The following KCNT2 variants were observed in gnomAD, a reference collection of about 807,000 sequenced individuals.
KCNT2 encodes the protein potassium sodium-activated channel subfamily T member 2, also known as potassium channel subfamily T member 2.
A neutral mutation model predicts 153.8 loss-of-function variants in KCNT2; 67 were observed. The ratio of observed to expected loss-of-function variants is 0.44; its 90% CI spans 0.36 to 0.53. The LOEUF (loss-of-function observed/expected upper bound fraction) is 0.53. KCNT2 is among the 20% of genes least tolerant of loss of function. The pLI is 0.00. For synonymous variants in KCNT2, 500 were observed against 458.8 expected (o/e 1.09, Z -1.15); for missense variants, 975 against 1,354.8 (o/e 0.72, Z 4.40).
chr1:196,385,766 TA>T (rs11455621), intron 13 of KCNT2, among the ~76,000 whole-genome samples: 1 of 144,988 alleles, frequency 6.9e-6, no homozygotes. Context: ...ATTTCTGCAT[TA>T]AAAAAATATA....
intron 13 of KCNT2, among the ~76,000 whole-genome samples, chr1:196,391,295 C>T (rs1371891069): frequency 6.6e-6 from 1 of 151,264 alleles, no homozygotes; most frequent in Non-Finnish European, 1.5e-5. Flanking sequence ...GCGCATAGAA[C>T]AAGAAATTGA....
At chr1:196,453,537 T>C (rs1413109549) in intron 8 of KCNT2, among the ~76,000 whole-genome samples, 1 of 151,990 alleles carries the variant, frequency 6.6e-6, no homozygotes, top group Non-Finnish European at 1.5e-5. Flanking sequence ...TAATTTTTGT[T>C]TTCTTGACTG....
chr1:196,293,041 A>G (rs532538259), intron 22 of KCNT2, among the ~76,000 whole-genome samples: 54 of 152,140 alleles, frequency 3.5e-4, no homozygotes, highest in African/African-American at 9.4e-4. Flanking sequence ...TAAAAAAAAA[A>G]TACTTAAGAA....
intron 16 of KCNT2, 105 bp from the exon 17 acceptor site, chr1:196,334,165 T>G (rs185405051): frequency 3.0e-6 from 2 of 659,568 alleles, no homozygotes; most frequent in South Asian, 3.9e-5. Context: ...TAAATATATA[T>G]ATAGAGAGAG....
At chr1:196,544,262 A>G (rs543982336) in intron 1 of KCNT2, among the ~76,000 whole-genome samples, 2 of 152,188 alleles carry the variant, frequency 1.3e-5, no homozygotes, top group East Asian at 3.9e-4. Context: ...AAATATACAA[A>G]ACAGACTATA....
chr1:196,506,527 G>T (rs902190123), intron 1 of KCNT2, among the ~76,000 whole-genome samples: 16 of 152,032 alleles, frequency 1.1e-4, no homozygotes, highest in African/African-American at 3.4e-4. Flanking sequence ...TAATTAATCT[G>T]CTCACCTGGG....
intron 26 of KCNT2, among the ~76,000 whole-genome samples, chr1:196,247,820 C>T (rs1655589305): frequency 6.6e-6 from 1 of 152,136 alleles, no homozygotes; most frequent in South Asian, 2.1e-4. Flanking sequence ...ATCCATATTA[C>T]ATTTCATCCA....
intron 14 of KCNT2, among the ~76,000 whole-genome samples, chr1:196,366,524 C>T (rs1668061186): frequency 2.0e-5 from 3 of 152,052 alleles, no homozygotes; most frequent in Non-Finnish European, 4.4e-5. Flanking sequence ...CTCTGCTTTT[C>T]CTTTTGCCTG....
At chr1:196,257,331 C>A in intron 26 of KCNT2, 1 of 982,016 alleles carries the variant, frequency 1.0e-6, no homozygotes, top group Non-Finnish European at 1.2e-6. Flanking sequence ...ACTAAAATTT[C>A]TTCCTAAGAA....
rs911330757 is a variant in KCNT2, at chr1:196,497,062, GA to G, written c.96-4722del. Among the ~76,000 whole-genome samples, 15 of 152,260 alleles carry G rather than the reference GA, an allele frequency of 9.9e-5. No individual in the cohort carries two copies. The East Asian group carries it at 1.2e-3, about 12-fold the overall frequency. On this transcript the variant is annotated intron_variant, in intron 1 of 27. Coordinates refer to ENST00000294725, the MANE Select transcript of KCNT2 (RefSeq NM_198503.5). ...CTACATTGACTAGCACTTTTGGGGG[GA>G]AAAAAGTCAAATAATTGTGTTGTCC...
intron 16 of KCNT2, among the ~76,000 whole-genome samples, chr1:196,339,632 TAA>T (rs1665416193): frequency 6.7e-6 from 1 of 150,330 alleles, no homozygotes; most frequent in African/African-American, 2.5e-5. Context: ...GATTAAAGAG[TAA>T]AGTCTCTGAG....
chr1:196,257,293 G>A (rs1277404882), intron 26 of KCNT2: 1 of 983,020 alleles, frequency 1.0e-6, no homozygotes, highest in African/African-American at 1.7e-5. Context: ...AGAAACAGAG[G>A]CAACTTCTCT....
At chr1:196,334,795 T>C (rs1443707590) in intron 16 of KCNT2, among the ~76,000 whole-genome samples, 1 of 152,072 alleles carries the variant, frequency 6.6e-6, no homozygotes, top group Non-Finnish European at 1.5e-5. Context: ...AATAAATGGA[T>C]AATTGTAGAC....
chr1:196,388,979 A>C (rs916089777), intron 13 of KCNT2, among the ~76,000 whole-genome samples: 6 of 151,766 alleles, frequency 4.0e-5, no homozygotes, highest in Non-Finnish European at 7.4e-5. Flanking sequence ...CTCAGCCTAT[A>C]AGCATCAAGT....
intron 1 of KCNT2, among the ~76,000 whole-genome samples, chr1:196,553,268 A>C (rs945953177): frequency 3.3e-5 from 5 of 151,262 alleles, no homozygotes; most frequent in Non-Finnish European, 7.4e-5. Flanking sequence ...TATGAGACAA[A>C]ATAGATTTCA....
At chr1:196,379,457 A>G (rs1188209490) in intron 13 of KCNT2, among the ~76,000 whole-genome samples, 1 of 151,998 alleles carries the variant, frequency 6.6e-6, no homozygotes, top group African/African-American at 2.4e-5. Context: ...CTGTCATCCC[A>G]GCTACTCGGG....
chr1:196,283,008 C>A (rs1224656442), intron 23 of KCNT2, among the ~76,000 whole-genome samples: 6 of 152,156 alleles, frequency 3.9e-5, no homozygotes, highest in African/African-American at 1.4e-4. Context: ...TGGCGCCTGG[C>A]TAATTTTTGT....
intron 12 of KCNT2, among the ~76,000 whole-genome samples, chr1:196,411,984 T>C (rs941682367): frequency 1.6e-4 from 24 of 151,818 alleles, no homozygotes; most frequent in African/African-American, 5.3e-4. Context: ...ATCACAGTTA[T>C]TTATTTTAGC....
At chr1:196,247,819 A>G (rs1267840587) in intron 26 of KCNT2, among the ~76,000 whole-genome samples, 1 of 152,204 alleles carries the variant, frequency 6.6e-6, no homozygotes, top group African/African-American at 2.4e-5. Flanking sequence ...AATCCATATT[A>G]CATTTCATCC....
Sources: allele counts gnomAD v4.1 joint callset (sites outside exome capture counted in the v4.1 genomes callset), GRCh38; gene constraint gnomAD v4.1.1; transcripts MANE v1.5; gene names NCBI Gene and HGNC (gene_info 2026-07-23, HGNC 2026-07-21).